Variants in MOV10 observed in about 807,000 individuals in gnomAD.
The protein encoded by MOV10 is RNA helicase MOV-10.
Under a neutral mutation model 108.4 loss-of-function variants are expected in MOV10, and 39 were observed. The observed-to-expected ratio is 0.36, with a 90% CI of 0.28 to 0.47. The LOEUF (loss-of-function observed/expected upper bound fraction) is 0.47. Among genes scored for constraint, MOV10 ranks in the 20% least tolerant of loss-of-function variants. The pLI is 1.00. For missense variants in MOV10, 952 were observed against 1,297.6 expected (o/e 0.73, Z 4.09); for synonymous variants, 490 against 523.1 (o/e 0.94, Z 0.86).
chr1:112,697,984 G>A lies in MOV10; in HGVS notation c.2199-10G>A, dbSNP rs367819221. ...CCCTTGGTCTTGCTTTTCCTCCTCCGGCCTCCCAGGTCTCATCCCACCATC... is the reference window on the plus strand; with the variant it reads ...CCCTTGGTCTTGCTTTTCCTCCTCCAGCCTCCCAGGTCTCATCCCACCATC... On this transcript the variant is annotated splice_polypyrimidine_tract_variant and intron_variant, in intron 14 of 20. Transcript: ENST00000369645. 3.1e-6 allele frequency: 5 copies of A among 1,611,302 alleles called. No individual in the cohort carries two copies. The highest frequency in any genetic ancestry group is 4.2e-6 in the Non-Finnish European group (5 of 1,177,508).
In MOV10 at chr1:112,700,346, G is replaced by A. The variant is rs1463895177; in HGVS notation, c.2920+6G>A. ...GCTCAGCCCCTCTACCTCAGGTATG[G>A]CTGGGCCAGGGTGGGGACAGTGCCA... On this transcript the variant is annotated splice_donor_region_variant and intron_variant, in intron 20 of 20. Coordinates refer to ENST00000369645, the MANE Select transcript of MOV10 (RefSeq NM_001321324.2). The A allele has an allele frequency of 1.9e-6, 3 of 1,614,224 alleles. No individual in the cohort carries two copies. The highest frequency in any genetic ancestry group is 2.5e-6 in the Non-Finnish European group (3 of 1,180,030).
Position 112,691,554 on chromosome 1 carries a change from TC to T in MOV10, c.837-108del. 4 of 1,376,716 alleles carry T rather than the reference TC, an allele frequency of 2.9e-6. No homozygotes were observed. In the South Asian group the frequency reaches 5.6e-5, roughly 19 times the overall value. The allele number at this position is 1,376,716 out of a possible 1,614,324, so 85.3% of individuals were successfully genotyped here. A position where few individuals can be genotyped will look rare whatever the true frequency, so the allele number is the denominator to read the frequency against. ...CACCCTTGGAGCGAGGCTGCTGACT[TC>T]CCTTCAGCAGTAGGATTGCAGGAGG... On this transcript the variant is annotated intron_variant, in intron 5 of 20. Transcript: ENST00000369645.
intron 13 of MOV10, 32 bp from the exon 14 acceptor site, chr1:112,696,598 A>T (rs745555731): frequency 1.9e-6 from 3 of 1,613,268 alleles, no homozygotes; most frequent in African/African-American, 2.7e-5. Context: ...TGCACCACTT[A>T]CCTTTCTTCC....
rs754556608 is a variant in MOV10 at position 112,689,580 on chromosome 1, C to T, written c.507C>T (p.Phe169=). ...GTQSVTLTHL[F]PLCRTPQFAF... ...AGTCTGTTACCCTCACTCACCTCTTCCCACTCTGCCGGACACCCCAGTTTG... is the reference window on the plus strand; with the variant it reads ...AGTCTGTTACCCTCACTCACCTCTTTCCACTCTGCCGGACACCCCAGTTTG... The change falls in exon 4 of 21, where the codon TTC becomes TTT. Residue 169 remains phenylalanine (F), a synonymous_variant. Coordinates refer to ENST00000369645, the MANE Select transcript of MOV10 (RefSeq NM_001321324.2). The T allele has an allele frequency of 6.2e-7, 1 of 1,614,214 alleles. No homozygotes were observed. Among genetic ancestry groups the T allele is most frequent in the Non-Finnish European group, 8.5e-7 (1 of 1,180,040 alleles).
intron 2 of MOV10, among the ~76,000 whole-genome samples, chr1:112,680,380 G>A (rs1672525806): frequency 6.6e-6 from 1 of 152,052 alleles, no homozygotes; most frequent in African/African-American, 2.4e-5. Context: ...TTTTGGGCCG[G>A]GCGCGGTGGC....
At chr1:112,687,693 C>T (rs1228779497) in intron 2 of MOV10, among the ~76,000 whole-genome samples, 7 of 152,198 alleles carry the variant, frequency 4.6e-5, no homozygotes, top group Admixed American at 3.9e-4. Context: ...GTATGTGATA[C>T]TAATCATGGC....
chr1:112,684,704 T>C (rs948230125), intron 2 of MOV10, among the ~76,000 whole-genome samples: 3 of 152,254 alleles, frequency 2.0e-5, no homozygotes, highest in Non-Finnish European at 4.4e-5. Flanking sequence ...ATTATAGTAA[T>C]ATATGCTAGA....
At chr1:112,689,324 G>C in intron 3 of MOV10, 91 bp from the exon 4 acceptor site, 1 of 1,336,682 alleles carries the variant, frequency 7.5e-7, no homozygotes, top group East Asian at 2.3e-5. Flanking sequence ...CTGGCACTTT[G>C]CCTGCCTCCC....
At position 112,694,650 on chromosome 1, in the gene MOV10, C is replaced by T. The variant is rs1022240612; in HGVS notation, c.1472+21C>T. ...CTCAAGTGAGACTGTGGGCAGGGAG[C>T]TTCTGGAGCCACTTGGAGTGTGGGC... On this transcript the variant is annotated intron_variant, in intron 9 of 20. Coordinates refer to ENST00000369645, the MANE Select transcript of MOV10 (RefSeq NM_001321324.2). This position sits in a 1 kb window ranked among gnomAD's most constrained non-coding sequence, Gnocchi z 4.1. The T allele has an allele frequency of 6.9e-6, 11 of 1,591,526 alleles. No individual in the cohort carries two copies. The highest frequency in any genetic ancestry group is 8.6e-6 in the Non-Finnish European group (10 of 1,167,320).
chr1:112,696,245 C>G lies in MOV10; in HGVS notation c.1877C>G (p.Ala626Gly). The change falls in exon 12 of 21, where the codon GCC becomes GGC. Residue 626 changes from alanine (A) to glycine (G), a missense_variant. By Grantham distance (60) the Ala-to-Gly change is moderately conservative. This residue lies in a region of MOV10 where 453 missense variants were observed against 611.5 expected (regional missense o/e 0.74). Transcript: ENST00000369645. ...YRVLITTLIT[A>G]GRLVSAQFPI... ...GTCTTAATTACCACCCTCATCACTGCCGGCAGGTGGGGAGTGTGTGTGGGT... is the reference window on the plus strand; with the variant it reads ...GTCTTAATTACCACCCTCATCACTGGCGGCAGGTGGGGAGTGTGTGTGGGT... The G allele has an allele frequency of 1.2e-6, 2 of 1,609,152 alleles. No individual in the cohort carries two copies. The highest frequency in any genetic ancestry group is 1.7e-6 in the Non-Finnish European group (2 of 1,175,622).
At chr1:112,684,349 C>A (rs997711413) in intron 2 of MOV10, among the ~76,000 whole-genome samples, 3 of 149,558 alleles carry the variant, frequency 2.0e-5, no homozygotes, top group Non-Finnish European at 4.4e-5. Context: ...CTCACTGCAA[C>A]CTCCGCCTCC....
chr1:112,699,082 T>C, intron 17 of MOV10: 2 of 394,432 alleles, frequency 5.1e-6, no homozygotes, highest in South Asian at 7.0e-5. Context: ...TGTCATGTGA[T>C]GCTGCCACCC....
intron 2 of MOV10, among the ~76,000 whole-genome samples, chr1:112,678,945 G>T (rs1465419851): frequency 6.6e-6 from 1 of 151,942 alleles, no homozygotes; most frequent in Admixed American, 6.6e-5. Context: ...AACAATGCCT[G>T]CCCTTGAAAC....
chr1:112,690,585 C>A (rs919154073), intron 5 of MOV10, among the ~76,000 whole-genome samples: 3 of 152,112 alleles, frequency 2.0e-5, no homozygotes, highest in African/African-American at 4.8e-5. Context: ...GTCTCGAACT[C>A]CTGACCTCAA....
intron 2 of MOV10, among the ~76,000 whole-genome samples, chr1:112,679,465 CGTT>C (rs1672459397): frequency 6.6e-6 from 1 of 152,016 alleles, no homozygotes; most frequent in South Asian, 2.1e-4. Flanking sequence ...TTTGCATTAT[CGTT>C]GTTACTATGG....
intron 2 of MOV10, among the ~76,000 whole-genome samples, chr1:112,678,918 A>G (rs1672413423): frequency 6.6e-6 from 1 of 152,052 alleles, no homozygotes. Flanking sequence ...GGGACCTGGC[A>G]TACACAACCT....
At position 112,689,143 on chromosome 1, in the gene MOV10, G is replaced by GTGTGTGT; in HGVS notation, c.341+9_341+15dup. 1.9e-6 allele frequency: 3 copies of GTGTGTGT among 1,587,592 alleles called. No homozygotes were observed. Among genetic ancestry groups the GTGTGTGT allele is most frequent in the Non-Finnish European group, 2.6e-6 (3 of 1,166,384 alleles). On this transcript the variant is annotated splice_donor_region_variant and intron_variant, in intron 3 of 20. Transcript: ENST00000369645. ...AGCCAAGATCTTTTATGACAGGTGTGTGTGTGTTGTATGTTGTGTGTACGG... is the reference window on the plus strand; with the variant it reads ...AGCCAAGATCTTTTATGACAGGTGTGTGTGTGTTGTGTGTTGTATGTTGTGTGTACGG...
At position 112,698,125 on chromosome 1, in the gene MOV10, G is replaced by C; in HGVS notation, c.2316+14G>C. On this transcript the variant is annotated intron_variant, in intron 15 of 20. Transcript: ENST00000369645. Reference sequence around the variant, plus strand: ...CTACCTCGACAGGTGAGGCTGAGCAGGGCAGGCCCCACCCCTGTACCCTGA... The same window carrying C: ...CTACCTCGACAGGTGAGGCTGAGCACGGCAGGCCCCACCCCTGTACCCTGA... 1 of 1,611,668 alleles carries C rather than the reference G, an allele frequency of 6.2e-7. No individual in the cohort carries two copies. The highest frequency in any genetic ancestry group is 8.5e-7 in the Non-Finnish European group (1 of 1,177,930).
In MOV10 at chr1:112,689,020, A is replaced by T; in HGVS notation, c.223A>T (p.Arg75Trp). The stretch of plus-strand genomic sequence containing the variant: ...GGCCTACGTCACCAAGACTCGGGTC[A>T]GGTTCTTCAGACTCGACCGCTGGGC... ...NLAYVTKTRV[R>W]FFRLDRWADV... Residue 75 changes from arginine to tryptophan, a missense_variant, in exon 3 of 21, where the codon AGG (arginine) becomes TGG (tryptophan). By Grantham distance (101) the Arg-to-Trp change is moderately radical. Transcript: ENST00000369645. The T allele has an allele frequency of 6.2e-7, 1 of 1,612,670 alleles. No individual in the cohort carries two copies. Among genetic ancestry groups the T allele is most frequent in the Non-Finnish European group, 8.5e-7 (1 of 1,180,024 alleles).
Sources: allele counts gnomAD v4.1 joint callset (sites outside exome capture counted in the v4.1 genomes callset), GRCh38; gene constraint gnomAD v4.1.1; regional missense constraint gnomAD v4.1.1; non-coding constraint Gnocchi (gnomAD v3.1); transcripts MANE v1.5; gene names NCBI Gene and HGNC (gene_info 2026-07-23, HGNC 2026-07-21).